Variants in PCNX1 observed in about 807,000 individuals in gnomAD.
The protein encoded by PCNX1 is pecanex 1.
A neutral mutation model predicts 242.2 loss-of-function variants in PCNX1; 78 were observed. The observed-to-expected ratio is 0.32, with a 90% confidence interval of 0.27 to 0.39. The LOEUF (loss-of-function observed/expected upper bound fraction) is 0.39. Ranked by LOEUF, PCNX1 falls within the 10% of genes least tolerant of loss-of-function variation. The probability of loss-of-function intolerance (pLI) is 1.00; values close to 1 mark genes in which losing one functional copy is unlikely to be tolerated. For missense variants in PCNX1, 2,581 were observed against 2,856.5 expected, an observed-to-expected ratio of 0.90 and a Z score of 2.20; for synonymous variants, 1,024 against 1,032.9, an observed-to-expected ratio of 0.99 and a Z score of 0.17.
intron 5 of PCNX1, among the ~76,000 whole-genome samples, chr14:70,971,581 CAT>C (rs1403690116): frequency 6.6e-6 from 1 of 152,244 alleles, no homozygotes; most frequent in Admixed American, 6.5e-5. Context: ...GTTCCACCCT[CAT>C]GTGGCTTCTC....
intron 1 of PCNX1, among the ~76,000 whole-genome samples, chr14:70,919,093 A>G (rs1446427262): frequency 6.6e-6 from 1 of 151,956 alleles, no homozygotes; most frequent in Non-Finnish European, 1.5e-5. Flanking sequence ...TATGTTGCCC[A>G]GGCTGGTCTC....
At position 71,034,006 on chromosome 14, in the gene PCNX1, T is replaced by C; in HGVS notation, c.3744T>C (p.Asp1248=). The C allele has an allele frequency of 6.2e-7, 1 of 1,603,972 alleles. No homozygotes were observed. The highest frequency in any genetic ancestry group is 1.1e-5 in the South Asian group (1 of 89,898). ...AAGACCCTCTATCTGAAGTAAAAGA[T>C]CCACTGCCTGAAAAACTTAGAAATT... ...NPEDPLSEVK[D]PLPEKLRNSV... Residue 1248 remains aspartate, a synonymous_variant, in exon 18 of 36, where the codon GAT becomes GAC. Coordinates refer to ENST00000304743, the MANE Select transcript of PCNX1 (RefSeq NM_014982.3).
chr14:71,048,714 G>A (rs7156009), intron 22 of PCNX1, among the ~76,000 whole-genome samples: 84,647 of 151,940 alleles, frequency 0.56, 24,966 homozygotes, highest in East Asian at 0.74. Flanking sequence ...TGAAATTCCA[G>A]TTTTAGGGAA....
rs1032857124 is a variant in PCNX1, at chr14:70,955,860, G to GT, written c.363-6355dup. ...AGAAGTGCAGAAATTTTACTAGAGG[G>GT]TTTTTTTTTTTAAATGAAAACCCCT... On this transcript the variant is annotated intron_variant, in intron 2 of 35. Coordinates refer to ENST00000304743, the MANE Select transcript of PCNX1 (RefSeq NM_014982.3). Among the ~76,000 whole-genome samples, 1,326 of 146,280 alleles carry GT rather than the reference G, an allele frequency of 9.1e-3. 18 individuals are homozygous for GT. The highest frequency in any genetic ancestry group is 0.029 in the African/African-American group (1,141 of 39,938).
intron 5 of PCNX1, among the ~76,000 whole-genome samples, chr14:70,972,811 CCAAGAT>C (rs2058580468): frequency 6.6e-6 from 1 of 152,114 alleles, no homozygotes; most frequent in Admixed American, 6.5e-5. Flanking sequence ...CCTTCCCTAT[CCAAGAT>C]CAGAACTTCA....
chr14:70,979,057 A>G (rs1595121399), intron 6 of PCNX1, among the ~76,000 whole-genome samples: 1 of 152,216 alleles, frequency 6.6e-6, no homozygotes, highest in East Asian at 1.9e-4. Flanking sequence ...AACTTTCAAA[A>G]TTAGATCACT....
intron 8 of PCNX1, among the ~76,000 whole-genome samples, chr14:70,996,713 A>C (rs1027823870): frequency 2.0e-5 from 3 of 152,174 alleles, no homozygotes; most frequent in African/African-American, 7.2e-5. Context: ...AGTTATTCAG[A>C]AATAATTCAC....
At position 71,047,789 on chromosome 14, in the gene PCNX1, G is replaced by A; in HGVS notation, c.4161-18G>A. 7.6e-6 allele frequency: 12 copies of A among 1,586,816 alleles called. No individual in the cohort carries two copies. The highest frequency in any genetic ancestry group is 1.0e-5 in the Non-Finnish European group (12 of 1,164,762). The stretch of plus-strand genomic sequence containing the variant: ...TGTTTTCAGTCATGAGTTGATTTGT[G>A]TTTTCTTTGTGCCACAGATTAGGTG... On this transcript the variant is annotated intron_variant, in intron 21 of 35. Transcript: ENST00000304743.
intron 30 of PCNX1, chr14:71,093,450 C>T (rs1330659652): frequency 6.6e-6 from 1 of 152,144 alleles, no homozygotes; most frequent in Non-Finnish European, 1.5e-5. Flanking sequence ...CAAACCAGCG[C>T]CACATGATGA....
intron 3 of PCNX1, among the ~76,000 whole-genome samples, chr14:70,963,430 A>G (rs796956941): frequency 6.6e-6 from 1 of 152,208 alleles, no homozygotes; most frequent in Non-Finnish European, 1.5e-5. Context: ...AAAACATTAG[A>G]GGTAGATCAG....
Position 71,029,692 on chromosome 14 carries a change from T to C in PCNX1, c.3558+901T>C, listed in dbSNP as rs2240536. Among the ~76,000 whole-genome samples, 1,367 of 152,282 alleles carry C rather than the reference T, an allele frequency of 9.0e-3. 10 individuals carry two copies. Among genetic ancestry groups the C allele is most frequent in the Non-Finnish European group, 0.012 (843 of 68,010 alleles). On this transcript the variant is annotated intron_variant, in intron 16 of 35. Coordinates refer to ENST00000304743, the MANE Select transcript of PCNX1 (RefSeq NM_014982.3). ...CCAGATTTTGAAGATCAAATAGGCA[T>C]TAGCTAATTGAAACAAGAAATGAAG...
rs1189018013 is a variant in PCNX1 at position 71,112,903 on chromosome 14, T to G, written c.*2968T>G. On this transcript the variant is annotated 3_prime_UTR_variant, in exon 36 of 36. Coordinates refer to ENST00000304743, the MANE Select transcript of PCNX1 (RefSeq NM_014982.3). ...AGGTAATCGTGGAATGAGTTATAAA[T>G]TATTGCCTTTTTTTCCTTTATTTCT... 1.3e-5 allele frequency: 2 copies of G among 152,180 alleles called. No homozygotes were observed. The highest frequency in any genetic ancestry group is 4.8e-5 in the African/African-American group (2 of 41,460). 9.4% of individuals were successfully genotyped at this position (152,180 alleles called of 1,614,324 possible). A position where few individuals can be genotyped will look rare whatever the true frequency, so the allele number is the denominator to read the frequency against.
At chr14:70,948,303 C>T (rs977839146) in intron 2 of PCNX1, among the ~76,000 whole-genome samples, 13 of 152,120 alleles carry the variant, frequency 8.5e-5, no homozygotes, top group African/African-American at 2.9e-4. Flanking sequence ...AACCTGCCGA[C>T]ATGTGATGTC....
chr14:71,070,926 T>C (rs577600376), intron 26 of PCNX1, among the ~76,000 whole-genome samples: 7 of 152,240 alleles, frequency 4.6e-5, no homozygotes, highest in Non-Finnish European at 8.8e-5. Context: ...ATGTTTAGTC[T>C]ATTTTGAAAA....
chr14:71,023,303 TTG>T lies in PCNX1; in HGVS notation c.3183+73_3183+74del, dbSNP rs1416024829. ...TATCATAATATTTGTGGTTTGTTTT[TTG>T]TTTTTTTGTTTTGTTTGGAATGCAT... On this transcript the variant is annotated intron_variant, in intron 13 of 35. Transcript: ENST00000304743. 3.3e-6 allele frequency: 4 copies of T among 1,200,694 alleles called. No individual in the cohort carries two copies. In the African/African-American group the frequency reaches 6.1e-5, roughly 18 times the overall value. The allele number at this position is 1,200,694 out of a possible 1,614,324, so 74.4% of individuals were successfully genotyped here.
At chr14:71,020,463 G>T (rs547888725) in intron 12 of PCNX1, among the ~76,000 whole-genome samples, 2 of 152,250 alleles carry the variant, frequency 1.3e-5, no homozygotes, top group South Asian at 4.1e-4. Flanking sequence ...TGACTTTAAT[G>T]ATTGCTGTTC....
chr14:71,067,369 A>G (rs781429101), intron 26 of PCNX1, among the ~76,000 whole-genome samples: 2 of 150,834 alleles, frequency 1.3e-5, no homozygotes, highest in East Asian at 2.0e-4. Context: ...AAATTTATCT[A>G]TTTTTTTTCT....
chr14:70,997,411 C>T (rs762156507), intron 8 of PCNX1, among the ~76,000 whole-genome samples: 1 of 152,096 alleles, frequency 6.6e-6, no homozygotes, highest in Non-Finnish European at 1.5e-5. Context: ...TGATTGTCCT[C>T]CATAAGAATT....
At chr14:71,008,330 T>A (rs1040588434) in intron 8 of PCNX1, among the ~76,000 whole-genome samples, 1 of 152,144 alleles carries the variant, frequency 6.6e-6, no homozygotes, top group Non-Finnish European at 1.5e-5. Context: ...ATCTGACTTT[T>A]AGCCTTACCA....
Sources: gnomAD v4.1 joint callset for allele counts (sites outside exome capture counted in the v4.1 genomes callset) on GRCh38, gnomAD v4.1.1 for gene constraint, MANE v1.5 for transcripts, NCBI Gene and HGNC (gene_info 2026-07-23, HGNC 2026-07-21) for gene names.